The following FGD5 variants were observed in gnomAD, a reference collection of about 807,000 sequenced individuals.
The protein encoded by FGD5 is FYVE, RhoGEF and PH domain-containing protein 5.
Under a neutral mutation model 133.4 loss-of-function variants are expected in FGD5, and 28 were observed. The ratio of observed to expected loss-of-function variants is 0.21; its 90% CI spans 0.16 to 0.29. The LOEUF is 0.29. Ranked by LOEUF, FGD5 falls within the 10% of genes least tolerant of loss-of-function variation. FGD5 has a pLI of 1.00. For synonymous variants in FGD5, 810 were observed against 776.5 expected (o/e 1.04, Z -0.72); for missense variants, 1,858 against 1,895.2 (o/e 0.98, Z 0.36).
chr3:14,841,011 T>C (rs1188973210), intron 1 of FGD5, among the ~76,000 whole-genome samples: 2 of 152,234 alleles, frequency 1.3e-5, no homozygotes, highest in South Asian at 2.1e-4. Flanking sequence ...ATTGAATGAT[T>C]GTGCCCCCGA....
chr3:14,830,914 T>G (rs1326654676), intron 1 of FGD5, among the ~76,000 whole-genome samples: 2 of 152,102 alleles, frequency 1.3e-5, no homozygotes, highest in Admixed American at 1.3e-4. Flanking sequence ...AGGCAGACAG[T>G]AAACAGACTA....
chr3:14,865,902 G>A (rs1011253346), intron 2 of FGD5, among the ~76,000 whole-genome samples: 8 of 152,260 alleles, frequency 5.3e-5, no homozygotes, highest in East Asian at 3.9e-4. Context: ...TGAGTTAGTC[G>A]TGCCCATTTA....
intron 1 of FGD5, among the ~76,000 whole-genome samples, chr3:14,855,040 A>T (rs1341020580): frequency 6.6e-6 from 1 of 152,106 alleles, no homozygotes; most frequent in Admixed American, 6.5e-5. Context: ...AGCCTCTAGT[A>T]TCCTCTGTTC....
rs2037177428 is a variant in FGD5, at chr3:14,852,218, G to A, written c.2526-11910G>A. Among the ~76,000 whole-genome samples, 5 of 152,326 alleles carry A rather than the reference G, an allele frequency of 3.3e-5. No individual in the cohort carries two copies. The South Asian group carries it at 1.0e-3, about 32-fold the overall frequency. On this transcript the variant is annotated intron_variant, in intron 1 of 19. Coordinates refer to ENST00000285046, the MANE Select transcript of FGD5 (RefSeq NM_152536.4). ...AAATGTCTATCAGTTGAATGGATAA[G>A]CAGTATGATCTGTCCATACTGTGGA...
chr3:14,901,786 GA>G (rs1026473787), intron 9 of FGD5, among the ~76,000 whole-genome samples: 3 of 152,228 alleles, frequency 2.0e-5, no homozygotes, highest in African/African-American at 7.2e-5. Flanking sequence ...GGCAGAAGAG[GA>G]AGGGAAATTG....
At chr3:14,857,023 G>A (rs1181905297) in intron 1 of FGD5, among the ~76,000 whole-genome samples, 1 of 152,130 alleles carries the variant, frequency 6.6e-6, no homozygotes, top group East Asian at 1.9e-4. Flanking sequence ...ATCATATATG[G>A]CCATTATTAT....
chr3:14,908,765 A>G (rs2125141995), intron 10 of FGD5, among the ~76,000 whole-genome samples: 1 of 151,458 alleles, frequency 6.6e-6, no homozygotes, highest in East Asian at 2.0e-4. Context: ...CTGTAGTCCC[A>G]GCTACTCGGG....
At chr3:14,818,950 A>G (rs1377968016), upstream of FGD5, 16 of 1,443,358 alleles carry the variant, frequency 1.1e-5, no homozygotes, top group South Asian at 1.5e-5. Flanking sequence ...TATTTTTGTC[A>G]TCTAGATTCA....
intron 1 of FGD5, among the ~76,000 whole-genome samples, chr3:14,860,332 A>G (rs1349401961): frequency 6.6e-6 from 1 of 152,172 alleles, no homozygotes; most frequent in Non-Finnish European, 1.5e-5. Context: ...AACGTCTTTC[A>G]CTTTCCTGAA....
chr3:14,919,502 C>T (rs1038677667), intron 13 of FGD5, among the ~76,000 whole-genome samples: 22 of 152,284 alleles, frequency 1.4e-4, no homozygotes, highest in African/African-American at 4.6e-4. Flanking sequence ...CCTGTAGTCG[C>T]AGCTACTCGG....
intron 1 of FGD5, among the ~76,000 whole-genome samples, chr3:14,832,527 G>A (rs1465445086): frequency 6.6e-6 from 1 of 152,204 alleles, no homozygotes; most frequent in African/African-American, 2.4e-5. Flanking sequence ...CCTTCTTTAT[G>A]TGCCTCATTG....
At chr3:14,843,043 T>C (rs2036955169) in intron 1 of FGD5, among the ~76,000 whole-genome samples, 1 of 152,264 alleles carries the variant, frequency 6.6e-6, no homozygotes, top group African/African-American at 2.4e-5. Context: ...GCCTTATATT[T>C]CTTGTTCTTA....
chr3:14,831,242 T>G (rs2036701930), intron 1 of FGD5, among the ~76,000 whole-genome samples: 1 of 152,050 alleles, frequency 6.6e-6, no homozygotes. Flanking sequence ...TTGTGAAAGA[T>G]TTGGATTTTA....
chr3:14,897,600 G>A lies in FGD5; in HGVS notation c.2840G>A (p.Ser947Asn), dbSNP rs776522779. The change falls in exon 5 of 20, where the codon AGT becomes AAT. Residue 947 changes from serine to asparagine, a missense_variant. Physicochemically the swap from Ser to Asn is conservative, Grantham distance 46. Transcript: ENST00000285046. ...CGGGAGGAGCTGAGGCAGGGCCTGA[G>A]TGAACTCCCAGCCATCCACGACCTT... The part of the protein sequence containing the change: ...LAREELRQGL[S>N]ELPAIHDLHQ... 7 of 1,605,480 alleles carry A rather than the reference G, an allele frequency of 4.4e-6. No individual in the cohort carries two copies. The highest frequency in any genetic ancestry group is 6.0e-6 in the Non-Finnish European group (7 of 1,176,140).
Position 14,900,406 on chromosome 3 carries a change from A to G in FGD5, c.3158A>G (p.Tyr1053Cys). ...LFQYQVLLTDYLNNLCPDSAE... is the reference protein window; with the variant it reads ...LFQYQVLLTDCLNNLCPDSAE... ...CTGGTTCTTATCCTGCCAACAGACT[A>G]TTTAAACAACCTTTGTCCGGACTCC... The change falls in exon 8 of 20, where the codon TAT becomes TGT. Residue 1053 changes from tyrosine (Y) to cysteine (C), a missense_variant. Physicochemically the swap from Tyr to Cys is radical, Grantham distance 194 (BLOSUM62 -2). Transcript: ENST00000285046. The G allele has an allele frequency of 6.2e-7, 1 of 1,613,400 alleles. No homozygotes were observed. The highest frequency in any genetic ancestry group is 8.5e-7 in the Non-Finnish European group (1 of 1,179,660).
Position 14,933,209 on chromosome 3 carries a change from A to T in FGD5, c.*42A>T. ...GGACTTGTAACAAATTCTTAGGTCA[A>T]TATGTGAATGCTTTTAGAAGCTAAG... On this transcript the variant is annotated 3_prime_UTR_variant, in exon 20 of 20. Coordinates refer to ENST00000285046, the MANE Select transcript of FGD5 (RefSeq NM_152536.4). 1.2e-6 allele frequency: 2 copies of T among 1,604,270 alleles called. No individual in the cohort carries two copies.
intron 1 of FGD5, among the ~76,000 whole-genome samples, chr3:14,855,979 A>G (rs777377405): frequency 3.9e-5 from 6 of 151,962 alleles, no homozygotes; most frequent in Admixed American, 6.6e-5. Flanking sequence ...CATTTCTCCT[A>G]TGTTTTCTTC....
chr3:14,933,248 C>A lies in FGD5; in HGVS notation c.*81C>A. 6.7e-7 allele frequency: 1 copy of A among 1,487,866 alleles called. No individual in the cohort carries two copies. The highest frequency in any genetic ancestry group is 9.2e-7 in the Non-Finnish European group (1 of 1,081,358). The allele number at this position is 1,487,866 out of a possible 1,614,324, so 92.2% of individuals were successfully genotyped here. A position where few individuals can be genotyped will look rare whatever the true frequency, so the allele number is the denominator to read the frequency against. On this transcript the variant is annotated 3_prime_UTR_variant, in exon 20 of 20. Transcript: ENST00000285046. ...TTAGAAGCTAAGCTGTGGCTCAACT[C>A]ATCCGGACACACACCTGGATTCAGC...
At chr3:14,824,524 A>G (rs1030423235) in intron 1 of FGD5, among the ~76,000 whole-genome samples, 7 of 152,232 alleles carry the variant, frequency 4.6e-5, no homozygotes, top group Admixed American at 4.6e-4. Context: ...ACTGAAGGGC[A>G]GGTCAGTGCT....
Sources: gnomAD v4.1 joint callset for allele counts (sites outside exome capture counted in the v4.1 genomes callset) on GRCh38, gnomAD v4.1.1 for gene constraint, MANE v1.5 for transcripts, NCBI Gene and HGNC (gene_info 2026-07-23, HGNC 2026-07-21) for gene names.